The following AKT3 variants were observed in gnomAD, a reference collection of about 807,000 sequenced individuals.
AKT3 encodes RAC-gamma serine/threonine-protein kinase.
AKT3 carries 15 observed loss-of-function variants against 65.3 expected under a neutral mutation model. The observed-to-expected ratio is 0.23, with a 90% CI of 0.15 to 0.35. The LOEUF (loss-of-function observed/expected upper bound fraction) is 0.35. Ranked by LOEUF, AKT3 falls within the 10% of genes least tolerant of loss-of-function variation. AKT3 has a pLI of 1.00. For missense variants in AKT3, 243 were observed against 576.5 expected (o/e 0.42, Z 5.92); for synonymous variants, 206 against 183.8 (o/e 1.12, Z -0.98).
At chr1:243,574,224 T>A (rs1185744990) in intron 8 of AKT3, among the ~76,000 whole-genome samples, 6 of 151,984 alleles carry the variant, frequency 3.9e-5, no homozygotes. Flanking sequence ...ATAAAACAGG[T>A]TCCCTATAAA....
chr1:243,820,109 C>G (rs1036311234), intron 2 of AKT3, among the ~76,000 whole-genome samples: 1 of 152,032 alleles, frequency 6.6e-6, no homozygotes, highest in Non-Finnish European at 1.5e-5. Flanking sequence ...TTAGTAGAGA[C>G]AGGGTTTCAC....
chr1:243,713,841 C>T (rs924902943), intron 2 of AKT3, among the ~76,000 whole-genome samples: 3 of 148,818 alleles, frequency 2.0e-5, no homozygotes, highest in East Asian at 2.0e-4. Flanking sequence ...CAGCTGCAAA[C>T]GGGCAGACAC....
At chr1:243,610,842 G>GT (rs1231545321) in intron 8 of AKT3, among the ~76,000 whole-genome samples, 3 of 152,108 alleles carry the variant, frequency 2.0e-5, no homozygotes, top group Admixed American at 6.5e-5. Flanking sequence ...TCTGCACCTA[G>GT]TTTTTTTAAC....
intron 6 of AKT3, among the ~76,000 whole-genome samples, chr1:243,616,416 A>C (rs887143103): frequency 2.0e-5 from 3 of 151,244 alleles, no homozygotes; most frequent in Non-Finnish European, 4.4e-5. Context: ...GTTTTCCCCA[A>C]CTTTGGGCAT....
intron 10 of AKT3, among the ~76,000 whole-genome samples, chr1:243,553,253 A>T (rs1326777134): frequency 6.6e-6 from 1 of 152,002 alleles, no homozygotes; most frequent in Non-Finnish European, 1.5e-5. Context: ...ATATTTACAT[A>T]TTTTTTCTTA....
chr1:243,559,327 C>T (rs949383476), intron 10 of AKT3, among the ~76,000 whole-genome samples: 4 of 152,086 alleles, frequency 2.6e-5, no homozygotes, highest in Non-Finnish European at 5.9e-5. Context: ...AAACACAAAA[C>T]AAAACAAAGC....
intron 1 of AKT3, among the ~76,000 whole-genome samples, chr1:243,848,190 C>T (rs890634017): frequency 6.6e-6 from 1 of 152,030 alleles, no homozygotes; most frequent in African/African-American, 2.4e-5. Flanking sequence ...TGGGGTCAAC[C>T]CTAGTAAGGA....
At chr1:243,586,930 T>TTAAA (rs747012320) in intron 8 of AKT3, among the ~76,000 whole-genome samples, 4 of 152,056 alleles carry the variant, frequency 2.6e-5, no homozygotes, top group Admixed American at 2.0e-4. Context: ...ATCCAGTAGA[T>TTAAA]TTAGCCATAT....
intron 4 of AKT3, among the ~76,000 whole-genome samples, chr1:243,646,514 C>T (rs1680830293): frequency 6.6e-6 from 1 of 151,982 alleles, no homozygotes; most frequent in Non-Finnish European, 1.5e-5. Flanking sequence ...GACACAATGC[C>T]TGACTAATTT....
chr1:243,694,031 T>C (rs552202291), intron 3 of AKT3, among the ~76,000 whole-genome samples: 5 of 152,164 alleles, frequency 3.3e-5, no homozygotes, highest in Non-Finnish European at 5.9e-5. Flanking sequence ...GTGGAAGTGT[T>C]GGAGCAGATG....
intron 2 of AKT3, among the ~76,000 whole-genome samples, chr1:243,791,686 C>T (rs920973471): frequency 6.6e-6 from 1 of 152,114 alleles, no homozygotes; most frequent in African/African-American, 2.4e-5. Context: ...TTCAGGCAAA[C>T]CTAAATAAGA....
At chr1:243,838,928 C>A (rs532363427) in intron 2 of AKT3, among the ~76,000 whole-genome samples, 1 of 152,004 alleles carries the variant, frequency 6.6e-6, no homozygotes, top group African/African-American at 2.4e-5. Flanking sequence ...TAAAGTAACA[C>A]GAGCATGGAA....
At chr1:243,848,541 T>G (rs12045787) in intron 1 of AKT3, among the ~76,000 whole-genome samples, 1 of 152,074 alleles carries the variant, frequency 6.6e-6, no homozygotes, top group African/African-American at 2.4e-5. Context: ...TTTTCCTAAG[T>G]AAATACATAA....
intron 12 of AKT3, among the ~76,000 whole-genome samples, chr1:243,543,850 A>G (rs1672477178): frequency 6.6e-6 from 1 of 152,236 alleles, no homozygotes; most frequent in South Asian, 2.1e-4. Context: ...GAGGTGTCTA[A>G]TATGATGCAC....
chr1:243,844,416 A>G (rs1270921341), intron 1 of AKT3, among the ~76,000 whole-genome samples: 2 of 152,252 alleles, frequency 1.3e-5, no homozygotes, highest in Non-Finnish European at 2.9e-5. Context: ...CAAATTTGGC[A>G]TGGAGCTCTT....
chr1:243,659,759 G>C (rs1682133518), intron 4 of AKT3, among the ~76,000 whole-genome samples: 1 of 152,162 alleles, frequency 6.6e-6, no homozygotes, highest in Admixed American at 6.5e-5. Flanking sequence ...TACAGATTTA[G>C]TTTATGACAG....
intron 1 of AKT3, 106 bp from the exon 2 acceptor site, chr1:243,843,388 C>A: frequency 2.5e-6 from 3 of 1,179,930 alleles, no homozygotes; most frequent in Non-Finnish European, 3.2e-6. Context: ...CCTGACCTCA[C>A]ATAAAAGTCT....
In AKT3 at chr1:243,558,664, T is replaced by C. The variant is rs1234048375; in HGVS notation, c.948+5056A>G. On this transcript the variant is annotated intron_variant, in intron 10 of 13. Transcript: ENST00000673466. ...CAATCTTTGTTAGTTCTAACTTGAT[T>C]ATCAAATAATTTTTATTTTTACACT... Among the ~76,000 whole-genome samples, 3 of 152,106 alleles carry C rather than the reference T, an allele frequency of 2.0e-5. No individual in the cohort carries two copies. In the South Asian group the frequency reaches 6.2e-4, roughly 31 times the overall value.
intron 9 of AKT3, among the ~76,000 whole-genome samples, chr1:243,564,482 G>C (rs948514691): frequency 1.3e-5 from 2 of 152,054 alleles, no homozygotes; most frequent in Admixed American, 6.6e-5. Context: ...GACCCTCTTT[G>C]AACCCATTAA....
Sources: gnomAD v4.1 joint callset for allele counts (sites outside exome capture counted in the v4.1 genomes callset) on GRCh38, gnomAD v4.1.1 for gene constraint, MANE v1.5 for transcripts, NCBI Gene and HGNC (gene_info 2026-07-23, HGNC 2026-07-21) for gene names.